GMIP: variants seen among roughly 807,000 people sequenced by gnomAD.
GMIP encodes GEM-interacting protein.
A neutral mutation model predicts 105.3 loss-of-function variants in GMIP; 54 were observed. The ratio of observed to expected loss-of-function variants is 0.51; its 90% CI spans 0.41 to 0.64. The LOEUF is 0.64. GMIP is among the 30% of genes least tolerant of loss of function. GMIP has a pLI of 0.00. For synonymous variants in GMIP, 541 were observed against 560.8 expected, an observed-to-expected ratio of 0.96 and a Z score of 0.50; for missense variants, 1,110 against 1,319.4, an observed-to-expected ratio of 0.84 and a Z score of 2.46.
At chr19:19,641,402 A>G (rs1405437995) in intron 4 of GMIP, among the ~76,000 whole-genome samples, 1 of 151,080 alleles carries the variant, frequency 6.6e-6, no homozygotes. Context: ...TTTTTTGGAC[A>G]TGGTCTTGCT....
chr19:19,641,880 G>C lies in GMIP; in HGVS notation c.181-13C>G. 2 of 1,613,256 alleles carry C rather than the reference G, an allele frequency of 1.2e-6. No homozygotes were observed. Among genetic ancestry groups the C allele is most frequent in the Non-Finnish European group, 1.7e-6 (2 of 1,179,548 alleles). ...TGGCTTCGTTGGTCTGTGCGGGAGG[G>C]AGACAGTATTCAGAAGCAAACAGGG... is the stretch of plus-strand genomic sequence containing the variant. On this transcript the variant is annotated splice_polypyrimidine_tract_variant and intron_variant, in intron 3 of 20. Transcript: ENST00000203556.
chr19:19,641,268 G>A (rs1037417707), intron 4 of GMIP, among the ~76,000 whole-genome samples: 1 of 151,576 alleles, frequency 6.6e-6, no homozygotes, highest in Non-Finnish European at 1.5e-5. Flanking sequence ...ATTTTTAGTA[G>A]AGATGGGGTT....
Position 19,634,490 on chromosome 19 carries a change from C to T in GMIP, c.2084+17G>A. On this transcript the variant is annotated intron_variant, in intron 18 of 20. Transcript: ENST00000203556. The surrounding 1 kb of genome is among the most constrained non-coding windows in gnomAD (Gnocchi z 6.1). ...GGGAAAAGGGTCGCGTTTCAAGGCTCAGGGACCCATGCACACCTGAACAGA... is the reference window on the plus strand; with the variant it reads ...GGGAAAAGGGTCGCGTTTCAAGGCTTAGGGACCCATGCACACCTGAACAGA... 1 of 1,589,892 alleles carries T rather than the reference C, an allele frequency of 6.3e-7. No individual in the cohort carries two copies. Among genetic ancestry groups the T allele is most frequent in the Non-Finnish European group, 8.5e-7 (1 of 1,172,138 alleles).
At chr19:19,639,963 A>G in intron 7 of GMIP, 122 bp downstream of exon 7, 2 of 624,130 alleles carry the variant, frequency 3.2e-6, no homozygotes, top group Admixed American at 5.5e-5. Flanking sequence ...TTCCTCATCA[A>G]TGAAATGGCG....
intron 19 of GMIP, among the ~76,000 whole-genome samples, chr19:19,633,597 A>G (rs1340323854): frequency 6.6e-6 from 1 of 152,134 alleles, no homozygotes; most frequent in Non-Finnish European, 1.5e-5. Context: ...CCATGTTAGT[A>G]CCTCTGCAGG....
intron 19 of GMIP, among the ~76,000 whole-genome samples, chr19:19,631,260 T>A (rs532088052): frequency 6.6e-6 from 1 of 152,258 alleles, no homozygotes; most frequent in African/African-American, 2.4e-5. Flanking sequence ...ATTCATTGAG[T>A]CTGGACCGTG....
chr19:19,629,710 C>T lies in GMIP; in HGVS notation c.*253G>A. Reference sequence around the variant, plus strand: ...ACCCTGAGTATTGACCCTGAGTGACCTCTGAGCCCGAGTGGCCCTGATGCT... The same window carrying T: ...ACCCTGAGTATTGACCCTGAGTGACTTCTGAGCCCGAGTGGCCCTGATGCT... On this transcript the variant is annotated 3_prime_UTR_variant, in exon 21 of 21. Coordinates refer to ENST00000203556, the MANE Select transcript of GMIP (RefSeq NM_016573.4). 1.9e-6 allele frequency: 1 copy of T among 535,722 alleles called. No homozygotes were observed. Among genetic ancestry groups the T allele is most frequent in the South Asian group, 2.4e-5 (1 of 41,708 alleles). 33.2% of individuals were successfully genotyped at this position (535,722 alleles called of 1,614,324 possible).
At chr19:19,632,794 C>T (rs1716253667) in intron 19 of GMIP, among the ~76,000 whole-genome samples, 1 of 152,298 alleles carries the variant, frequency 6.6e-6, no homozygotes, top group East Asian at 1.9e-4. Flanking sequence ...GGTATCACTT[C>T]ATACCACCTT....
chr19:19,632,485 G>T (rs2061806886), intron 19 of GMIP, among the ~76,000 whole-genome samples: 1 of 152,000 alleles, frequency 6.6e-6, no homozygotes, highest in African/African-American at 2.4e-5. Context: ...GGTGAGCCGA[G>T]ATCGCACCAC....
At position 19,637,569 on chromosome 19, in the gene GMIP, G is replaced by A. The variant is rs1395102121; in HGVS notation, c.928-8C>T. 4 of 1,514,212 alleles carry A rather than the reference G, an allele frequency of 2.6e-6. No individual in the cohort carries two copies. The highest frequency in any genetic ancestry group is 3.5e-6 in the Non-Finnish European group (4 of 1,137,552). 93.8% of individuals were successfully genotyped at this position (1,514,212 alleles called of 1,614,324 possible). On this transcript the variant is annotated splice_polypyrimidine_tract_variant and splice_region_variant and intron_variant, in intron 10 of 20. Transcript: ENST00000203556. The surrounding 1 kb of genome is among the most constrained non-coding windows in gnomAD (Gnocchi z 6.7). ...GAAGAGACTCAGCGTCACCTGCCGGGTGGAGACAGCAGGTTGGGGAGGGGC... is the reference window on the plus strand; with the variant it reads ...GAAGAGACTCAGCGTCACCTGCCGGATGGAGACAGCAGGTTGGGGAGGGGC...
At position 19,635,563 on chromosome 19, in the gene GMIP, C is replaced by T; in HGVS notation, c.1412G>A (p.Gly471Glu). 6.2e-7 allele frequency: 1 copy of T among 1,613,870 alleles called. No individual in the cohort carries two copies. Among genetic ancestry groups the T allele is most frequent in the Non-Finnish European group, 8.5e-7 (1 of 1,179,826 alleles). The change falls in exon 15 of 21, where the codon GGA becomes GAA. Residue 471 changes from glycine (G) to glutamate (E), a missense_variant. By Grantham distance (98) the Gly-to-Glu change is moderately conservative (BLOSUM62 -2). Around this residue, in one of 3 missense-constraint regions of GMIP, gnomAD observed 667 missense variants for 773.2 expected, o/e 0.86. Coordinates refer to ENST00000203556, the MANE Select transcript of GMIP (RefSeq NM_016573.4). This position sits in a 1 kb window ranked among gnomAD's most constrained non-coding sequence, Gnocchi z 4.7. The part of the protein sequence containing the change: ...DDFEERDPDL[G>E]DGLENGLGSP... ...GCCCAGCCCATTCTCCAGCCCGTCT[C>T]CCAGGTCTGCAGGGAGACAGGGTCA...
chr19:19,637,899 G>T lies in GMIP; in HGVS notation c.927+21C>A. 6.3e-7 allele frequency: 1 copy of T among 1,582,500 alleles called. No homozygotes were observed. The highest frequency in any genetic ancestry group is 8.6e-7 in the Non-Finnish European group (1 of 1,164,674). Reference sequence around the variant, plus strand: ...GGCCCCAACGGGGTGAGGGGAGGATGGCCTTGGGGATGGGCCTCACCCGCC... The same window carrying T: ...GGCCCCAACGGGGTGAGGGGAGGATTGCCTTGGGGATGGGCCTCACCCGCC... On this transcript the variant is annotated intron_variant, in intron 10 of 20. Transcript: ENST00000203556. This position sits in a 1 kb window ranked among gnomAD's most constrained non-coding sequence, Gnocchi z 6.7.
chr19:19,643,102 T>G, intron 1 of GMIP: 1 of 229,146 alleles, frequency 4.4e-6, no homozygotes, highest in African/African-American at 2.3e-5. Flanking sequence ...CCCGCCACAT[T>G]TCTACTGCTG....
intron 2 of GMIP, among the ~76,000 whole-genome samples, 186 bp downstream of exon 2, chr19:19,642,349 C>T (rs1419903994): frequency 6.6e-6 from 1 of 152,026 alleles, no homozygotes; most frequent in Non-Finnish European, 1.5e-5. Flanking sequence ...TGGGGATTTC[C>T]AGTCTATTTA....
At position 19,637,908 on chromosome 19, in the gene GMIP, G is replaced by T; in HGVS notation, c.927+12C>A. ...GGGGTGAGGGGAGGATGGCCTTGGG[G>T]ATGGGCCTCACCCGCCTCAGCACTT... On this transcript the variant is annotated intron_variant, in intron 10 of 20. Coordinates refer to ENST00000203556, the MANE Select transcript of GMIP (RefSeq NM_016573.4). This position sits in a 1 kb window ranked among gnomAD's most constrained non-coding sequence, Gnocchi z 6.7. 6.3e-7 allele frequency: 1 copy of T among 1,590,254 alleles called. No individual in the cohort carries two copies. The highest frequency in any genetic ancestry group is 1.3e-5 in the African/African-American group (1 of 74,386).
At chr19:19,636,135 C>T (rs1201295516) in intron 13 of GMIP, among the ~76,000 whole-genome samples, 5 of 149,196 alleles carry the variant, frequency 3.4e-5, no homozygotes, top group Non-Finnish European at 7.4e-5. Flanking sequence ...ACCTGGGAGG[C>T]GGAGGTTGCA....
chr19:19,634,393 T>A lies in GMIP; in HGVS notation c.2084+114A>T. The A allele has an allele frequency of 9.3e-7, 1 of 1,072,760 alleles. No individual in the cohort carries two copies. Among genetic ancestry groups the A allele is most frequent in the Middle Eastern group, 2.7e-4 (1 of 3,734 alleles). The allele number at this position is 1,072,760 out of a possible 1,614,324, so 66.5% of individuals were successfully genotyped here. On this transcript the variant is annotated intron_variant, in intron 18 of 20. Coordinates refer to ENST00000203556, the MANE Select transcript of GMIP (RefSeq NM_016573.4). The surrounding 1 kb of genome is among the most constrained non-coding windows in gnomAD (Gnocchi z 6.1). Reference sequence around the variant, plus strand: ...TGAATCATGGATTAAGGTTCAGAGTTCAGAAAACACAGGTCAAAGGTCAGA... The same window carrying A: ...TGAATCATGGATTAAGGTTCAGAGTACAGAAAACACAGGTCAAAGGTCAGA...
rs954867605 is a variant in GMIP, at chr19:19,640,637, C to T, written c.239-66G>A. 219 of 1,544,880 alleles carry T rather than the reference C, an allele frequency of 1.4e-4. No homozygotes were observed. The Middle Eastern group carries it at 4.2e-3, about 30-fold the overall frequency. On this transcript the variant is annotated intron_variant, in intron 4 of 20. Transcript: ENST00000203556. ...CTGCTATGGATGTCTTCCCTAAGCC[C>T]CCAGACCAGCCCAGTGGCACCTGTC...
Position 19,630,671 on chromosome 19 carries a change from C to T in GMIP, c.2473-134G>A. Reference sequence around the variant, plus strand: ...CAAAGGCCCTGAGGTAGGAGCATGCCTGGTATGTTAGGACGCAGCCCCACC... The same window carrying T: ...CAAAGGCCCTGAGGTAGGAGCATGCTTGGTATGTTAGGACGCAGCCCCACC... On this transcript the variant is annotated intron_variant, in intron 19 of 20. Coordinates refer to ENST00000203556, the MANE Select transcript of GMIP (RefSeq NM_016573.4). This position sits in a 1 kb window ranked among gnomAD's most constrained non-coding sequence, Gnocchi z 4.8. 1 of 742,170 alleles carries T rather than the reference C, an allele frequency of 1.3e-6. No individual in the cohort carries two copies. Among genetic ancestry groups the T allele is most frequent in the Non-Finnish European group, 2.3e-6 (1 of 430,260 alleles). 46.0% of individuals were successfully genotyped at this position (742,170 alleles called of 1,614,324 possible). A position where few individuals can be genotyped will look rare whatever the true frequency, so the allele number is the denominator to read the frequency against.
Sources: allele counts gnomAD v4.1 joint callset (sites outside exome capture counted in the v4.1 genomes callset), GRCh38; gene constraint gnomAD v4.1.1; regional missense constraint gnomAD v4.1.1; non-coding constraint Gnocchi (gnomAD v3.1); transcripts MANE v1.5; gene names NCBI Gene and HGNC (gene_info 2026-07-23, HGNC 2026-07-21).